The following FBN1 variants were observed in gnomAD, a reference collection of about 807,000 sequenced individuals.
FBN1 encodes the protein fibrillin-1.
FBN1 carries 29 observed loss-of-function variants against 365.1 expected under a neutral mutation model. That is an observed-to-expected ratio of 0.08 (90% CI 0.06 to 0.11). The LOEUF is 0.11. Ranked by LOEUF, FBN1 falls within the 10% of genes least tolerant of loss-of-function variation. FBN1 has a pLI of 1.00. For missense variants in FBN1, 2,476 were observed against 3,703.2 expected, an observed-to-expected ratio of 0.67 and a Z score of 8.60; for synonymous variants, 1,210 against 1,270.5, an observed-to-expected ratio of 0.95 and a Z score of 1.01.
chr15:48,616,825 T>C (rs1889662903), intron 2 of FBN1, among the ~76,000 whole-genome samples: 1 of 152,220 alleles, frequency 6.6e-6, no homozygotes, highest in Non-Finnish European at 1.5e-5. Flanking sequence ...AAATAACTTT[T>C]TGCTAAGTGC....
chr15:48,505,206 T>A (rs574895441), intron 15 of FBN1, 59 bp from the exon 16 acceptor site: 1 of 1,604,928 alleles, frequency 6.2e-7, no homozygotes, highest in East Asian at 2.2e-5. Flanking sequence ...AATTATAACA[T>A]GTTGACAATT....
chr15:48,470,035 AG>A, intron 36 of FBN1, among the ~76,000 whole-genome samples: 1 of 152,248 alleles, frequency 6.6e-6, no homozygotes, highest in African/African-American at 2.4e-5. Flanking sequence ...TGAATTAGGA[AG>A]GGGAAATGCA....
intron 43 of FBN1, among the ~76,000 whole-genome samples, chr15:48,458,308 GATTT>G (rs2043256056): frequency 6.6e-6 from 1 of 152,082 alleles, no homozygotes; most frequent in South Asian, 2.1e-4. Context: ...TGATGTCATA[GATTT>G]ATTTTAGACC....
At chr15:48,563,601 G>C (rs914135443) in intron 6 of FBN1, among the ~76,000 whole-genome samples, 1 of 152,184 alleles carries the variant, frequency 6.6e-6, no homozygotes, top group Non-Finnish European at 1.5e-5. Context: ...TCAAGTGTAA[G>C]TTATGTGTAT....
Position 48,460,239 on chromosome 15 carries a change from G to T in FBN1, c.5296+7C>A. The T allele has an allele frequency of 6.2e-7, 1 of 1,610,576 alleles. No individual in the cohort carries two copies. The highest frequency in any genetic ancestry group is 1.1e-5 in the South Asian group (1 of 90,996). On this transcript the variant is annotated splice_region_variant and intron_variant, in intron 43 of 65. Coordinates refer to ENST00000316623, the MANE Select transcript of FBN1 (RefSeq NM_000138.5). ...CAGAAAGTTCTGACAATGCCGTCAT[G>T]ACTCACCAACGGGTAAACCGGTATA...
intron 6 of FBN1, among the ~76,000 whole-genome samples, chr15:48,587,788 G>T (rs1009687621): frequency 6.6e-6 from 1 of 152,008 alleles, no homozygotes; most frequent in Non-Finnish European, 1.5e-5. Context: ...TAGTGCCAAG[G>T]CTTTATTAAA....
At chr15:48,502,987 T>C (rs2043674074) in intron 17 of FBN1, among the ~76,000 whole-genome samples, 2 of 151,768 alleles carry the variant, frequency 1.3e-5, no homozygotes, top group Admixed American at 6.6e-5. Context: ...TTCTCTCAGG[T>C]TAAATCAAAT....
At chr15:48,536,575 A>G (rs2044015456) in intron 7 of FBN1, among the ~76,000 whole-genome samples, 2 of 152,224 alleles carry the variant, frequency 1.3e-5, no homozygotes, top group Admixed American at 1.3e-4. Flanking sequence ...ACTACAATCC[A>G]TCCCTTGATA....
intron 4 of FBN1, among the ~76,000 whole-genome samples, chr15:48,606,161 A>C (rs2044607199): frequency 6.6e-6 from 1 of 152,238 alleles, no homozygotes; most frequent in Admixed American, 6.5e-5. Flanking sequence ...CTCCAAAAAC[A>C]GTTTGACAGT....
At chr15:48,636,770 T>C (rs533424618) in intron 2 of FBN1, among the ~76,000 whole-genome samples, 33 of 152,326 alleles carry the variant, frequency 2.2e-4, no homozygotes, top group African/African-American at 7.2e-4. Flanking sequence ...ATACTGCCTG[T>C]TCCAGCCCAA....
chr15:48,420,150 C>A (rs139968032), intron 63 of FBN1, among the ~76,000 whole-genome samples: 2 of 152,052 alleles, frequency 1.3e-5, no homozygotes, highest in African/African-American at 4.8e-5. Context: ...ATGAGAGAGT[C>A]AGTAGATCTC....
intron 65 of FBN1, among the ~76,000 whole-genome samples, chr15:48,412,021 T>A (rs2042867601): frequency 6.6e-6 from 1 of 152,224 alleles, no homozygotes; most frequent in Non-Finnish European, 1.5e-5. Flanking sequence ...GGACCACATG[T>A]GCTGGATTCT....
At position 48,488,431 on chromosome 15, in the gene FBN1, C is replaced by T. The variant is rs778181932; in HGVS notation, c.3145G>A (p.Gly1049Ser). Residue 1049 changes from glycine (G) to serine (S), a missense_variant, in exon 26 of 66, where the codon GGC (glycine) becomes AGC (serine). Around this residue, in one of 5 missense-constraint regions of FBN1, gnomAD observed 1,780 missense variants for 2,840.8 expected, o/e 0.63. Transcript: ENST00000316623. ...CTHGKCRNTI[G>S]SFKCRCDSGF... Reference sequence around the variant, plus strand: ...CTGTCACACCTGCACTTAAAGCTGCCAATGGTGTTTCTGCACTTGCCGTGG... The same window carrying T: ...CTGTCACACCTGCACTTAAAGCTGCTAATGGTGTTTCTGCACTTGCCGTGG... 2.6e-5 allele frequency: 42 copies of T among 1,614,026 alleles called. No homozygotes were observed. The highest frequency in any genetic ancestry group is 3.3e-5 in the Admixed American group (2 of 60,008).
intron 6 of FBN1, among the ~76,000 whole-genome samples, chr15:48,560,263 A>T (rs2044213610): frequency 6.6e-6 from 1 of 152,190 alleles, no homozygotes; most frequent in African/African-American, 2.4e-5. Context: ...TAGCAATAAA[A>T]ATAACAATAA....
chr15:48,428,035 G>A (rs546179696), intron 57 of FBN1: 11 of 672,306 alleles, frequency 1.6e-5, no homozygotes, highest in African/African-American at 1.4e-4. Flanking sequence ...AAATACAGGG[G>A]AATAGCCATG....
chr15:48,468,399 TTTAAGGTC>T lies in FBN1; in HGVS notation c.4582+5_4582+12del. On this transcript the variant is annotated splice_donor_5th_base_variant and intron_variant, in intron 37 of 65. Coordinates refer to ENST00000316623, the MANE Select transcript of FBN1 (RefSeq NM_000138.5). ...AGTATGCTTGCTTCTCTGAAAAGTT[TTTAAGGTC>T]TTACCAACACAGCCAACTCGAGTTG... is the stretch of plus-strand genomic sequence containing the variant. 1 of 1,613,876 alleles carries T rather than the reference TTTAAGGTC, an allele frequency of 6.2e-7. No homozygotes were observed. The highest frequency in any genetic ancestry group is 8.5e-7 in the Non-Finnish European group (1 of 1,180,012).
intron 6 of FBN1, among the ~76,000 whole-genome samples, chr15:48,590,303 G>A (rs1407714032): frequency 3.3e-5 from 5 of 152,072 alleles, no homozygotes; most frequent in South Asian, 4.1e-4. Flanking sequence ...CTTGAGATAA[G>A]GTAAAGTTTT....
intron 6 of FBN1, among the ~76,000 whole-genome samples, chr15:48,558,116 A>G (rs915490114): frequency 6.6e-6 from 1 of 152,096 alleles, no homozygotes. Flanking sequence ...CCCTCTCCCT[A>G]TTTGAGGTCT....
In FBN1 at chr15:48,582,081, A is replaced by C. The variant is rs184403992; in HGVS notation, c.538+14202T>G. 3.3e-5 allele frequency among the ~76,000 whole-genome samples: 5 copies of C among 152,354 alleles called. 1 individual carries two copies. In the East Asian group the frequency reaches 9.6e-4, roughly 29 times the overall value. ...CAGAATACACTTGGCTCTACCTGACACTGTTGTGTTCATGGTTTTAAAAAG... is the reference window on the plus strand; with the variant it reads ...CAGAATACACTTGGCTCTACCTGACCCTGTTGTGTTCATGGTTTTAAAAAG... On this transcript the variant is annotated intron_variant, in intron 6 of 65. Transcript: ENST00000316623.
Sources: allele counts gnomAD v4.1 joint callset (sites outside exome capture counted in the v4.1 genomes callset), GRCh38; gene constraint gnomAD v4.1.1; regional missense constraint gnomAD v4.1.1; transcripts MANE v1.5; gene names NCBI Gene and HGNC (gene_info 2026-07-23, HGNC 2026-07-21).